Variants in SH2B1 observed in about 807,000 individuals in gnomAD.
The protein encoded by SH2B1 is SH2B adapter protein 1.
A neutral mutation model predicts 62.6 loss-of-function variants in SH2B1; 15 were observed. The ratio of observed to expected loss-of-function variants is 0.24; its 90% CI spans 0.16 to 0.37. The LOEUF (loss-of-function observed/expected upper bound fraction) is 0.37. Among genes scored for constraint, SH2B1 ranks in the 10% least tolerant of loss-of-function variants. SH2B1 has a pLI of 1.00. For synonymous variants in SH2B1, 443 were observed against 438.0 expected, an observed-to-expected ratio of 1.01 and a Z score of -0.14; for missense variants, 925 against 1,015.6, an observed-to-expected ratio of 0.91 and a Z score of 1.21.
In SH2B1 at chr16:28,852,221, C is replaced by CATATATATATTTACAT. The variant is rs201261917; in HGVS notation, c.-301+5402_-301+5403insATTTACATATATATAT. ...TTATATATTTACATATATATATTTA[C>CATATATATATTTACAT]ATATATATTTACATATATATATTTA... On this transcript the variant is annotated intron_variant, in intron 1 of 10. Coordinates refer to the SH2B1 transcript ENST00000322610. 2.3e-4 allele frequency among the ~76,000 whole-genome samples: 9 copies of CATATATATATTTACAT among 39,430 alleles called. No homozygotes were observed. The South Asian group carries it at 0.016, about 70-fold the overall frequency. The allele number at this position is 39,430 out of a possible 152,430, so 25.9% of individuals were successfully genotyped here.
intron 1 of SH2B1, among the ~76,000 whole-genome samples, chr16:28,847,070 A>G (rs2152149180): frequency 6.6e-6 from 1 of 152,298 alleles, no homozygotes; most frequent in South Asian, 2.1e-4. Context: ...CACAAGACAG[A>G]CAGCTTCGCT....
At position 28,865,468 on chromosome 16, in the gene SH2B1, G is replaced by A; in HGVS notation, c.-627G>A. On this transcript the variant is annotated 5_prime_UTR_variant, in exon 1 of 8. Coordinates refer to ENST00000684370, the MANE Select transcript of SH2B1 (RefSeq NM_001387430.1). ...CCAGCTCCTCTCTAGCCCCCTGCGA[G>A]CTGGGGCGGTGAGGTGCTATGGCTG... 2 of 985,644 alleles carry A rather than the reference G, an allele frequency of 2.0e-6. No individual in the cohort carries two copies. The highest frequency in any genetic ancestry group is 2.4e-6 in the Non-Finnish European group (2 of 829,968). The allele number at this position is 985,644 out of a possible 1,614,324, so 61.1% of individuals were successfully genotyped here. A position where few individuals can be genotyped will look rare whatever the true frequency, so the allele number is the denominator to read the frequency against.
At chr16:28,857,113 T>C (rs900821519) in intron 1 of SH2B1, among the ~76,000 whole-genome samples, 13 of 152,110 alleles carry the variant, frequency 8.5e-5, no homozygotes, top group Non-Finnish European at 1.6e-4. Flanking sequence ...TGGAACCTCA[T>C]CTGTACTAAA....
rs1458374930 is a variant in SH2B1, at chr16:28,873,988, C to A, written c.*168C>A. The A allele has an allele frequency of 1.7e-6, 1 of 573,610 alleles. No homozygotes were observed. Among genetic ancestry groups the A allele is most frequent in the African/African-American group, 1.9e-5 (1 of 51,580 alleles). The allele number at this position is 573,610 out of a possible 1,614,324, so 35.5% of individuals were successfully genotyped here. ...AGGCTCGGGAGAGGCTCCCGTCACACACTACAGGTCCCCTCCCCAGGGCAG... is the reference window on the plus strand; with the variant it reads ...AGGCTCGGGAGAGGCTCCCGTCACAAACTACAGGTCCCCTCCCCAGGGCAG... On this transcript the variant is annotated 3_prime_UTR_variant, in exon 8 of 8. Transcript: ENST00000684370. This position sits in a 1 kb window ranked among gnomAD's most constrained non-coding sequence, Gnocchi z 4.2.
At chr16:28,857,258 G>T (rs571397402) in intron 1 of SH2B1, among the ~76,000 whole-genome samples, 35 of 151,558 alleles carry the variant, frequency 2.3e-4, no homozygotes, top group Admixed American at 2.2e-3. Context: ...ACTCCAGTCT[G>T]GGCAACAGAG....
chr16:28,864,300 G>T lies in SH2B1; in HGVS notation c.-1795G>T. The T allele has an allele frequency of 1.0e-6, 1 of 996,470 alleles. No homozygotes were observed. Among genetic ancestry groups the T allele is most frequent in the Non-Finnish European group, 1.2e-6 (1 of 836,624 alleles). The allele number at this position is 996,470 out of a possible 1,614,324, so 61.7% of individuals were successfully genotyped here. ...GGAAAATGTGTCTGAGTCCTGCTTGGCAGAAGAGAAACTGAGTCACCAGCT... is the reference window on the plus strand; with the variant it reads ...GGAAAATGTGTCTGAGTCCTGCTTGTCAGAAGAGAAACTGAGTCACCAGCT... On this transcript the variant is annotated 5_prime_UTR_variant, in exon 1 of 8. Transcript: ENST00000684370.
intron 1 of SH2B1, among the ~76,000 whole-genome samples, chr16:28,856,229 C>T (rs1235606772): frequency 6.8e-6 from 1 of 147,402 alleles, no homozygotes; most frequent in East Asian, 2.0e-4. Flanking sequence ...GCCCAGATCA[C>T]GCCACTGCAC....
rs1962170589 is a variant in SH2B1 at position 28,852,635 on chromosome 16, CACATATATATTTATATATAT to C, written c.-301+5812_-301+5831del. ...ATACACATATATATTTATATATATA[CACATATATATTTATATATAT>C]ACACATATATATTTATATATATATT... is the stretch of plus-strand genomic sequence containing the variant. On this transcript the variant is annotated intron_variant, in intron 1 of 10. Coordinates refer to the SH2B1 transcript ENST00000322610. 3.0e-5 allele frequency among the ~76,000 whole-genome samples: 2 copies of C among 66,764 alleles called. 1 individual carries two copies. Among genetic ancestry groups the C allele is most frequent in the Non-Finnish European group, 4.8e-5 (2 of 41,612 alleles). 43.8% of individuals were successfully genotyped at this position (66,764 alleles called of 152,430 possible). A position where few individuals can be genotyped will look rare whatever the true frequency, so the allele number is the denominator to read the frequency against.
At chr16:28,852,589 TACACATATATATTTATATATATAC>T (rs1962166593) in intron 1 of SH2B1, among the ~76,000 whole-genome samples, 1 of 37,608 alleles carries the variant, frequency 2.7e-5, no homozygotes, top group African/African-American at 1.2e-4. Flanking sequence ...TTTATATATA[TACACATATATATTTATATATATAC>T]ACATATATAT....
upstream of SH2B1, chr16:28,862,132 C>G (rs1962464008): frequency 6.6e-6 from 1 of 152,226 alleles, no homozygotes; most frequent in Admixed American, 6.5e-5. Flanking sequence ...CCGGGTCAAT[C>G]AGACACTGGA....
chr16:28,864,679 A>G lies in SH2B1; in HGVS notation c.-1416A>G, dbSNP rs1377266894. 4.1e-6 allele frequency: 4 copies of G among 984,854 alleles called. No homozygotes were observed. The highest frequency in any genetic ancestry group is 4.8e-6 in the Non-Finnish European group (4 of 829,690). 61.0% of individuals were successfully genotyped at this position (984,854 alleles called of 1,614,324 possible). A position where few individuals can be genotyped will look rare whatever the true frequency, so the allele number is the denominator to read the frequency against. The stretch of plus-strand genomic sequence containing the variant: ...AGTCCTGGGGCTGTCACCTTCCAGT[A>G]TTGCGTGGCGGGAGGAGCGCTAACA... On this transcript the variant is annotated 5_prime_UTR_variant, in exon 1 of 8. Coordinates refer to ENST00000684370, the MANE Select transcript of SH2B1 (RefSeq NM_001387430.1).
Position 28,872,981 on chromosome 16 carries a change from T to G in SH2B1, c.1897+276T>G. ...CCATCGGATCCTCTGTTCCATTGTC[T>G]GTCTGTCTCCTGGACCCATCCTGGC... On this transcript the variant is annotated intron_variant, in intron 7 of 7. Transcript: ENST00000684370. The surrounding 1 kb of genome is among the most constrained non-coding windows in gnomAD (Gnocchi z 5.3). The G allele has an allele frequency of 1.6e-6, 1 of 636,996 alleles. No individual in the cohort carries two copies. Among genetic ancestry groups the G allele is most frequent in the Non-Finnish European group, 2.7e-6 (1 of 367,420 alleles). 39.5% of individuals were successfully genotyped at this position (636,996 alleles called of 1,614,324 possible). A position where few individuals can be genotyped will look rare whatever the true frequency, so the allele number is the denominator to read the frequency against.
At position 28,866,982 on chromosome 16, in the gene SH2B1, TGAA is replaced by T. The variant is rs780956377; in HGVS notation, c.890_892del (p.Glu297del). On this transcript the variant is annotated inframe_deletion, in exon 1 of 8. Transcript: ENST00000684370. The surrounding 1 kb of genome is among the most constrained non-coding windows in gnomAD (Gnocchi z 6.3). ...AGAAGTGTCGCCTGCTGCTTCGAAGTGAAGGAGAAGGAGGAGGAGGAAGTCGCC... is the reference window on the plus strand; with the variant it reads ...AGAAGTGTCGCCTGCTGCTTCGAAGTGGAGAAGGAGGAGGAGGAAGTCGCC... 7.5e-6 allele frequency: 12 copies of T among 1,604,338 alleles called. No individual in the cohort carries two copies. In the South Asian group the frequency reaches 1.3e-4, roughly 18 times the overall value.
At position 28,872,145 on chromosome 16, in the gene SH2B1, G is replaced by A; in HGVS notation, c.1514-45G>A. On this transcript the variant is annotated intron_variant, in intron 5 of 7. Coordinates refer to ENST00000684370, the MANE Select transcript of SH2B1 (RefSeq NM_001387430.1). This position sits in a 1 kb window ranked among gnomAD's most constrained non-coding sequence, Gnocchi z 5.3. ...GGCTTTTTTCTCCCAGGATGGGGGA[G>A]GCTGCCCTGACACCCCGGTTTCCCT... 1.3e-6 allele frequency: 2 copies of A among 1,575,730 alleles called. No homozygotes were observed. The highest frequency in any genetic ancestry group is 1.7e-6 in the Non-Finnish European group (2 of 1,150,654).
intron 4 of SH2B1, 68 bp downstream of exon 4, chr16:28,869,451 C>G (rs1962913578): frequency 1.4e-6 from 2 of 1,441,430 alleles, no homozygotes; most frequent in Non-Finnish European, 1.9e-6. Flanking sequence ...CTGTCAGGCG[C>G]CATGCCCTCT....
chr16:28,871,661 G>C, intron 4 of SH2B1, 119 bp from the exon 5 acceptor site: 1 of 780,492 alleles, frequency 1.3e-6, no homozygotes, highest in Non-Finnish European at 2.2e-6. Context: ...CCACAGAGCT[G>C]TTTGGCATCT....
At position 28,872,217 on chromosome 16, in the gene SH2B1, A is replaced by G; in HGVS notation, c.1541A>G (p.Glu514Gly). 1 of 1,613,460 alleles carries G rather than the reference A, an allele frequency of 6.2e-7. No individual in the cohort carries two copies. Among genetic ancestry groups the G allele is most frequent in the Non-Finnish European group, 8.5e-7 (1 of 1,179,678 alleles). Residue 514 changes from glutamate to glycine, a missense_variant, in exon 6 of 8, where the codon GAG becomes GGG. Glu to Gly is a moderately conservative substitution (Grantham distance 98). Transcript: ENST00000684370. The surrounding 1 kb of genome is among the most constrained non-coding windows in gnomAD (Gnocchi z 5.3). The stretch of plus-strand genomic sequence containing the variant: ...TCCTTCCTGTTCCAGGGGGAGCCAG[A>G]GGGCGGTGAGGGGGACCAGCCCCTC... ...TGSFLFQGEP[E>G]GGEGDQPLSG...
At chr16:28,851,123 G>A (rs1339244412) in intron 1 of SH2B1, among the ~76,000 whole-genome samples, 3 of 144,708 alleles carry the variant, frequency 2.1e-5, no homozygotes, top group Non-Finnish European at 4.5e-5. Flanking sequence ...GCAGTGTGCC[G>A]AGATTGCGCC....
chr16:28,852,351 TTTA>T (rs1567458317), intron 1 of SH2B1, among the ~76,000 whole-genome samples: 3 of 83,100 alleles, frequency 3.6e-5, no homozygotes, highest in African/African-American at 1.7e-4. Flanking sequence ...TACATATATA[TTTA>T]TATATATATT....
Sources: allele counts gnomAD v4.1 joint callset (sites outside exome capture counted in the v4.1 genomes callset), GRCh38; gene constraint gnomAD v4.1.1; non-coding constraint Gnocchi (gnomAD v3.1); transcripts MANE v1.5; gene names NCBI Gene and HGNC (gene_info 2026-07-23, HGNC 2026-07-21).